Variants in EPHA3 observed in about 807,000 individuals in gnomAD.
EPHA3 encodes EPH receptor A3, also known as ephrin type-A receptor 3.
Under a neutral mutation model 107.1 loss-of-function variants are expected in EPHA3, and 42 were observed. That is an observed-to-expected ratio of 0.39 (90% CI 0.31 to 0.51). The LOEUF is 0.51. Ranked by LOEUF, EPHA3 falls within the 20% of genes least tolerant of loss-of-function variation. The pLI, the probability that EPHA3 is intolerant of heterozygous loss-of-function variation, is 0.78. For synonymous variants in EPHA3, 461 were observed against 424.8 expected, an observed-to-expected ratio of 1.09 and a Z score of -1.05; for missense variants, 1,183 against 1,211.2, an observed-to-expected ratio of 0.98 and a Z score of 0.35.
At chr3:89,453,286 A>C (rs750315773) in intron 15 of EPHA3, among the ~76,000 whole-genome samples, 2 of 152,156 alleles carry the variant, frequency 1.3e-5, no homozygotes, top group African/African-American at 2.4e-5. Flanking sequence ...ATGTAATGTA[A>C]TGTAGGGGTA....
chr3:89,448,046 G>T (rs1709911823), intron 13 of EPHA3, among the ~76,000 whole-genome samples: 1 of 152,018 alleles, frequency 6.6e-6, no homozygotes, highest in Non-Finnish European at 1.5e-5. Flanking sequence ...TATCTTTCAA[G>T]TGACTTCACT....
chr3:89,270,392 G>C (rs1182425930), intron 3 of EPHA3, among the ~76,000 whole-genome samples: 1 of 151,912 alleles, frequency 6.6e-6, no homozygotes, highest in African/African-American at 2.4e-5. Context: ...CTACTCATTT[G>C]TGTCTGTCTG....
At chr3:89,116,143 T>C (rs1707248144) in intron 1 of EPHA3, among the ~76,000 whole-genome samples, 1 of 152,212 alleles carries the variant, frequency 6.6e-6, no homozygotes, top group Non-Finnish European at 1.5e-5. Context: ...ATGACTTTTC[T>C]TCACACGTTC....
At chr3:89,208,269 C>A (rs9826158) in intron 2 of EPHA3, among the ~76,000 whole-genome samples, 2 of 150,120 alleles carry the variant, frequency 1.3e-5, no homozygotes. Context: ...ATTCAGGAGG[C>A]TGAGGCAGGA....
At chr3:89,445,755 C>T (rs1043255040) in intron 13 of EPHA3, among the ~76,000 whole-genome samples, 2 of 152,138 alleles carry the variant, frequency 1.3e-5, no homozygotes, top group African/African-American at 2.4e-5. Flanking sequence ...GTGAAAAGAC[C>T]ATACCTACAT....
rs187332505 is a variant in EPHA3, at chr3:89,242,582, C to A, written c.814+32062C>A. 2.2e-3 allele frequency among the ~76,000 whole-genome samples: 328 copies of A among 152,036 alleles called. 4 individuals are homozygous for A. Among genetic ancestry groups the A allele is most frequent in the Non-Finnish European group, 1.8e-3 (125 of 67,964 alleles). On this transcript the variant is annotated intron_variant, in intron 3 of 16. Transcript: ENST00000336596. Reference sequence around the variant, plus strand: ...CCTCCCCAGCAGCTGGGACTACGGGCGCCCACCACCACACCTGGCTAATTT... The same window carrying A: ...CCTCCCCAGCAGCTGGGACTACGGGAGCCCACCACCACACCTGGCTAATTT...
chr3:89,143,481 G>A (rs1226884508), intron 2 of EPHA3, among the ~76,000 whole-genome samples: 1 of 151,446 alleles, frequency 6.6e-6, no homozygotes, highest in African/African-American at 2.4e-5. Flanking sequence ...GTTTTGTCTT[G>A]TTCTTGCACT....
intron 5 of EPHA3, among the ~76,000 whole-genome samples, chr3:89,352,366 A>G (rs1553685158): frequency 6.6e-6 from 1 of 151,236 alleles, no homozygotes; most frequent in Non-Finnish European, 1.5e-5. Flanking sequence ...ATAATTCAAA[A>G]TGTTGTCACT....
intron 5 of EPHA3, among the ~76,000 whole-genome samples, chr3:89,361,435 A>G (rs570479323): frequency 1.3e-5 from 2 of 151,074 alleles, no homozygotes; most frequent in African/African-American, 4.8e-5. Flanking sequence ...TAACAAGCCA[A>G]CTAATGACAT....
intron 1 of EPHA3, among the ~76,000 whole-genome samples, chr3:89,116,436 G>A (rs1395085304): frequency 1.3e-5 from 2 of 152,086 alleles, no homozygotes; most frequent in Non-Finnish European, 1.5e-5. Context: ...TGCTTAAGAT[G>A]AGAAAATAAA....
At chr3:89,390,385 G>A (rs1481296422) in intron 5 of EPHA3, among the ~76,000 whole-genome samples, 3 of 152,174 alleles carry the variant, frequency 2.0e-5, no homozygotes, top group Non-Finnish European at 4.4e-5. Flanking sequence ...GATCACTTGA[G>A]GTCAGGAGTT....
At chr3:89,438,019 CT>C (rs1709707510) in intron 13 of EPHA3, among the ~76,000 whole-genome samples, 1 of 152,026 alleles carries the variant, frequency 6.6e-6, no homozygotes, top group Non-Finnish European at 1.5e-5. Flanking sequence ...ATTTATTTGG[CT>C]TTTTAGATCT....
intron 5 of EPHA3, among the ~76,000 whole-genome samples, chr3:89,373,453 C>T (rs1047778909): frequency 7.2e-5 from 11 of 151,786 alleles, no homozygotes; most frequent in African/African-American, 2.4e-4. Flanking sequence ...AAAACAAAAC[C>T]CTGGTGTAAT....
At chr3:89,334,959 G>T (rs1707362085) in intron 3 of EPHA3, among the ~76,000 whole-genome samples, 1 of 152,114 alleles carries the variant, frequency 6.6e-6, no homozygotes, top group Admixed American at 6.5e-5. Context: ...GCTTAGTGAA[G>T]ATAACATATA....
At chr3:89,435,089 T>TA (rs1559695429) in intron 13 of EPHA3, among the ~76,000 whole-genome samples, 4 of 149,594 alleles carry the variant, frequency 2.7e-5, no homozygotes, top group South Asian at 4.1e-4. Context: ...TTCAATTTTT[T>TA]AAAAAAACAA....
At chr3:89,390,435 C>T (rs1013516401) in intron 5 of EPHA3, among the ~76,000 whole-genome samples, 2 of 151,900 alleles carry the variant, frequency 1.3e-5, no homozygotes, top group African/African-American at 4.8e-5. Context: ...CCCATCTCTA[C>T]CAAAAATACA....
intron 15 of EPHA3, among the ~76,000 whole-genome samples, chr3:89,458,699 T>C (rs576683299): frequency 6.6e-6 from 1 of 152,322 alleles, no homozygotes; most frequent in African/African-American, 2.4e-5. Context: ...CTAGACTTTT[T>C]AATGATCGCC....
In EPHA3 at chr3:89,283,921, A is replaced by G. The variant is rs1576288330; in HGVS notation, c.815-56995A>G. ...AGAAGTTTTCCATATCAGGTTTATAATCAACAGTTTTTAGTTATGTATTTT... is the reference window on the plus strand; with the variant it reads ...AGAAGTTTTCCATATCAGGTTTATAGTCAACAGTTTTTAGTTATGTATTTT... On this transcript the variant is annotated intron_variant, in intron 3 of 16. Coordinates refer to ENST00000336596, the MANE Select transcript of EPHA3 (RefSeq NM_005233.6). Among the ~76,000 whole-genome samples, 5 of 152,242 alleles carry G rather than the reference A, an allele frequency of 3.3e-5. No individual in the cohort carries two copies. In the East Asian group the frequency reaches 9.7e-4, roughly 29 times the overall value.
intron 12 of EPHA3, 90 bp from the exon 13 acceptor site, chr3:89,431,060 C>A (rs1709557141): frequency 1.5e-6 from 2 of 1,363,214 alleles, no homozygotes; most frequent in Non-Finnish European, 2.0e-6. Context: ...AGTCTTGTTA[C>A]AAAATTCAAT....
Sources: allele counts gnomAD v4.1 joint callset (sites outside exome capture counted in the v4.1 genomes callset), GRCh38; gene constraint gnomAD v4.1.1; transcripts MANE v1.5; gene names NCBI Gene and HGNC (gene_info 2026-07-23, HGNC 2026-07-21).